PAK3: variants seen among roughly 807,000 people sequenced by gnomAD.
PAK3 encodes the protein p21 (RAC1) activated kinase 3.
Under a neutral mutation model 41.0 loss-of-function variants are expected in PAK3, and 4 were observed. The ratio of observed to expected loss-of-function variants is 0.10; its 90% CI spans 0.05 to 0.22. The LOEUF is 0.22. Among genes scored for constraint, PAK3 ranks in the 10% least tolerant of loss-of-function variants. The pLI, the probability that PAK3 is intolerant of heterozygous loss-of-function variation, is 1.00. For synonymous variants in PAK3, 146 were observed against 139.6 expected, an observed-to-expected ratio of 1.05 and a Z score of -0.32; for missense variants, 205 against 409.9, an observed-to-expected ratio of 0.50 and a Z score of 4.32.
intron 5 of PAK3, among the ~76,000 whole-genome samples, chrX:111,129,066 G>T (rs1305538273): frequency 9.0e-6 from 1 of 111,185 alleles, no homozygotes; most frequent in Non-Finnish European, 1.9e-5. Flanking sequence ...TATACAGCAG[G>T]AATCCTTGCT....
chrX:111,184,793 C>G (rs2094493727), intron 11 of PAK3, among the ~76,000 whole-genome samples: 1 of 111,652 alleles, frequency 9.0e-6, no homozygotes, highest in African/African-American at 3.3e-5. Flanking sequence ...TTAATCCAGT[C>G]TATCATTGAT....
chrX:110,983,354 T>A lies in PAK3; in HGVS notation c.-28+38726T>A, dbSNP rs747973118. The stretch of plus-strand genomic sequence containing the variant: ...TGGGTAGAGTGATGGCGTTCTGGGC[T>A]GCCTGGTAGTGGAAGATGGAGAATC... On this transcript the variant is annotated intron_variant, in intron 1 of 14. Transcript: ENST00000425146. 4.5e-5 allele frequency among the ~76,000 whole-genome samples: 5 copies of A among 110,819 alleles called. No homozygotes were observed. The East Asian group carries it at 1.1e-3, about 25-fold the overall frequency.
At chrX:110,972,453 G>C (rs1237978073) in intron 1 of PAK3, among the ~76,000 whole-genome samples, 1 of 111,936 alleles carries the variant, frequency 8.9e-6, no homozygotes, top group African/African-American at 3.2e-5. Context: ...AACTCCAACA[G>C]ATCTGCAACT....
At chrX:111,086,947 A>G (rs2092889944) in intron 1 of PAK3, among the ~76,000 whole-genome samples, 1 of 111,893 alleles carries the variant, frequency 8.9e-6, no homozygotes, top group Non-Finnish European at 1.9e-5. Context: ...ATTTGAATGC[A>G]AAGTGCACTT....
At chrX:111,118,537 G>T (rs773519534) in intron 4 of PAK3, among the ~76,000 whole-genome samples, 1 of 110,217 alleles carries the variant, frequency 9.1e-6, no homozygotes, top group African/African-American at 3.3e-5. Flanking sequence ...TCCTGTGTTT[G>T]ATCCTCTCAT....
At chrX:111,149,525 T>G in intron 7 of PAK3, among the ~76,000 whole-genome samples, 1 of 112,148 alleles carries the variant, frequency 8.9e-6, no homozygotes, top group East Asian at 2.8e-4. Context: ...TCCATACATC[T>G]TCTGAAATCT....
At chrX:111,181,115 A>G (rs1331795742) in intron 11 of PAK3, among the ~76,000 whole-genome samples, 1 of 111,984 alleles carries the variant, frequency 8.9e-6, no homozygotes, top group Non-Finnish European at 1.9e-5. Flanking sequence ...TGACTTTTTT[A>G]AAAAGGAAAA....
chrX:111,170,220 C>G (rs1039701414), intron 10 of PAK3, among the ~76,000 whole-genome samples: 2 of 111,313 alleles, frequency 1.8e-5, no homozygotes, highest in African/African-American at 6.5e-5. Flanking sequence ...TCAATGATGA[C>G]TTGCAGATTT....
chrX:111,216,667 AT>A, intron 17 of PAK3, 109 bp downstream of exon 17: 1 of 684,959 alleles, frequency 1.5e-6, no homozygotes, highest in Non-Finnish European at 2.3e-6. Flanking sequence ...GGCTATTACC[AT>A]TTTATTTTAG....
intron 3 of PAK3, among the ~76,000 whole-genome samples, chrX:111,101,726 G>A (rs2093144405): frequency 8.9e-6 from 1 of 111,813 alleles, no homozygotes; most frequent in Non-Finnish European, 1.9e-5. Context: ...TGCAGGGTGA[G>A]CTCACGTAGG....
At chrX:111,168,072 T>G (rs1025981838) in intron 10 of PAK3, among the ~76,000 whole-genome samples, 8 of 111,151 alleles carry the variant, frequency 7.2e-5, no homozygotes, top group African/African-American at 2.6e-4. Flanking sequence ...TGATATCAAT[T>G]TAGAGAATCT....
intron 1 of PAK3, among the ~76,000 whole-genome samples, chrX:111,005,283 ACAGTGC>A (rs1337732031): frequency 2.7e-5 from 3 of 111,154 alleles, no homozygotes; most frequent in African/African-American, 9.8e-5. Context: ...TGCTTGAGAA[ACAGTGC>A]TGCACCCAAC....
At chrX:111,127,518 A>AT (rs1442579784) in intron 5 of PAK3, among the ~76,000 whole-genome samples, 1 of 111,577 alleles carries the variant, frequency 9.0e-6, no homozygotes, top group African/African-American at 3.3e-5. Context: ...CAGAAGCTGA[A>AT]TTTTGGTGTT....
intron 7 of PAK3, among the ~76,000 whole-genome samples, chrX:111,148,669 C>T (rs984548938): frequency 9.0e-6 from 1 of 111,266 alleles, no homozygotes; most frequent in African/African-American, 3.3e-5. Flanking sequence ...CCGATAAAAC[C>T]ATCAGATCTC....
At position 110,983,303 on chromosome X, in the gene PAK3, C is replaced by A. The variant is rs753789092; in HGVS notation, c.-28+38675C>A. 4.5e-5 allele frequency among the ~76,000 whole-genome samples: 5 copies of A among 111,200 alleles called. No individual in the cohort carries two copies. In the East Asian group the frequency reaches 1.4e-3, roughly 32 times the overall value. ...TGGCTCTGTTTCATGCTACAAGTACCTTTTTCCTCTACTGAGGAGAGGGTT... is the reference window on the plus strand; with the variant it reads ...TGGCTCTGTTTCATGCTACAAGTACATTTTTCCTCTACTGAGGAGAGGGTT... On this transcript the variant is annotated intron_variant, in intron 1 of 14. Transcript: ENST00000425146.
At chrX:111,207,062 A>G (rs1205330583) in intron 16 of PAK3, among the ~76,000 whole-genome samples, 1 of 105,382 alleles carries the variant, frequency 9.5e-6, no homozygotes, top group Non-Finnish European at 1.9e-5. Context: ...TTCAATGTAG[A>G]TAGATATATA....
chrX:110,978,882 A>T (rs1444695285), intron 1 of PAK3, among the ~76,000 whole-genome samples: 1 of 111,226 alleles, frequency 9.0e-6, no homozygotes, highest in Admixed American at 9.6e-5. Context: ...TTTCTGGAAG[A>T]CATTGTTGAG....
chrX:111,116,767 G>A (rs2148968126), intron 4 of PAK3, among the ~76,000 whole-genome samples: 1 of 112,183 alleles, frequency 8.9e-6, no homozygotes, highest in Non-Finnish European at 1.9e-5. Context: ...GTATGAGAGA[G>A]AACATGAATG....
intron 1 of PAK3, among the ~76,000 whole-genome samples, chrX:111,082,916 A>G (rs1289176382): frequency 8.9e-6 from 1 of 112,273 alleles, no homozygotes; most frequent in Non-Finnish European, 1.9e-5. Context: ...TATGTCTAGC[A>G]TGCTTCTTGA....
Sources: allele counts gnomAD v4.1 joint callset (sites outside exome capture counted in the v4.1 genomes callset), GRCh38; gene constraint gnomAD v4.1.1; transcripts MANE v1.5; gene names NCBI Gene and HGNC (gene_info 2026-07-23, HGNC 2026-07-21).